The following SP3 variants were observed in gnomAD, a reference collection of about 807,000 sequenced individuals.
SP3 encodes the protein Sp3 transcription factor.
Under a neutral mutation model 70.3 loss-of-function variants are expected in SP3, and 10 were observed. The ratio of observed to expected loss-of-function variants is 0.14; its 90% CI spans 0.09 to 0.24. The LOEUF (loss-of-function observed/expected upper bound fraction) is 0.24. Among genes scored for constraint, SP3 ranks in the 10% least tolerant of loss-of-function variants. The pLI, the probability that SP3 is intolerant of heterozygous loss-of-function variation, is 1.00. For synonymous variants in SP3, 402 were observed against 333.5 expected, an observed-to-expected ratio of 1.21 and a Z score of -2.24; for missense variants, 825 against 914.6, an observed-to-expected ratio of 0.90 and a Z score of 1.26.
Position 173,904,793 on chromosome 2 carries a change from G to GC in SP3, c.*5147dup, listed in dbSNP as rs1331013025. On this transcript the variant is annotated 3_prime_UTR_variant, in exon 7 of 7. Transcript: ENST00000310015. ...GACAGATATCCTAAAAGGTCACTAAGCCAATACTTCCTGTATTTCGTTGTT... is the reference window on the plus strand; with the variant it reads ...GACAGATATCCTAAAAGGTCACTAAGCCCAATACTTCCTGTATTTCGTTGTT... 6.6e-6 allele frequency among the ~76,000 whole-genome samples: 1 copy of GC among 152,200 alleles called. No individual in the cohort carries two copies. Among genetic ancestry groups the GC allele is most frequent in the African/African-American group, 2.4e-5 (1 of 41,450 alleles).
chr2:173,922,028 C>T (rs772911273), intron 4 of SP3, among the ~76,000 whole-genome samples: 2 of 152,060 alleles, frequency 1.3e-5, no homozygotes, highest in Non-Finnish European at 1.5e-5. Flanking sequence ...ACTATGCTTC[C>T]GGTACAGCCT....
chr2:173,964,653 C>G, intron 1 of SP3, 100 bp from the exon 2 acceptor site: 1 of 530,352 alleles, frequency 1.9e-6, no homozygotes, highest in Non-Finnish European at 3.3e-6. Context: ...AAAGCCCGGA[C>G]CCAGGCCCCT....
At chr2:173,920,415 T>G (rs562237059) in intron 4 of SP3, among the ~76,000 whole-genome samples, 1 of 152,126 alleles carries the variant, frequency 6.6e-6, no homozygotes, top group Non-Finnish European at 1.5e-5. Flanking sequence ...GGAACCCTAA[T>G]GTAGAGTATG....
At position 173,903,054 on chromosome 2, in the gene SP3, T is replaced by C. The variant is rs1689218235; in HGVS notation, c.*6887A>G. On this transcript the variant is annotated 3_prime_UTR_variant, in exon 7 of 7. Coordinates refer to ENST00000310015, the MANE Select transcript of SP3 (RefSeq NM_003111.5). ...AATAAAAAAGGCACAATACGAATAC[T>C]AGCAGTTTCGTTAATAAATGTTGGC... is the stretch of plus-strand genomic sequence containing the variant. Among the ~76,000 whole-genome samples the C allele has an allele frequency of 6.6e-6, 1 of 152,250 alleles. No homozygotes were observed. The highest frequency in any genetic ancestry group is 2.4e-5 in the African/African-American group (1 of 41,472).
intron 4 of SP3, among the ~76,000 whole-genome samples, chr2:173,949,692 C>T (rs939524913): frequency 2.0e-5 from 3 of 151,502 alleles, no homozygotes; most frequent in Non-Finnish European, 2.9e-5. Flanking sequence ...TTTTATAAGG[C>T]TTCTATTTTC....
rs1228443479 is a variant in SP3 at position 173,904,392 on chromosome 2, G to GT, written c.*5548dup. On this transcript the variant is annotated 3_prime_UTR_variant, in exon 7 of 7. Coordinates refer to ENST00000310015, the MANE Select transcript of SP3 (RefSeq NM_003111.5). ...CTTAGTTGGCATTATTTGGTAGCAA[G>GT]TAACAGCCTTCTGACTTAAGAAAAA... 3.9e-5 allele frequency among the ~76,000 whole-genome samples: 6 copies of GT among 152,178 alleles called. No individual in the cohort carries two copies. Among genetic ancestry groups the GT allele is most frequent in the African/African-American group, 1.4e-4 (6 of 41,442 alleles).
At position 173,900,787 on chromosome 2, in the gene SP3, CAAT is replaced by C. The variant is rs1178056105; in HGVS notation, c.*9151_*9153del. ...GGATGTGTAAGGATTTTCAAAGAGA[CAAT>C]AATTTATTTTTAAAAACCATTAAAG... On this transcript the variant is annotated 3_prime_UTR_variant, in exon 7 of 7. Coordinates refer to ENST00000310015, the MANE Select transcript of SP3 (RefSeq NM_003111.5). 5.3e-4 allele frequency among the ~76,000 whole-genome samples: 81 copies of C among 152,186 alleles called. No homozygotes were observed. Among genetic ancestry groups the C allele is most frequent in the African/African-American group, 1.9e-3 (80 of 41,526 alleles).
chr2:173,940,552 T>G (rs943929393), intron 4 of SP3, among the ~76,000 whole-genome samples: 1 of 152,018 alleles, frequency 6.6e-6, no homozygotes, highest in East Asian at 1.9e-4. Flanking sequence ...ATGGAGAGGA[T>G]GAACAGATAA....
At chr2:173,915,678 AT>A (rs1162122952) in intron 5 of SP3, 1 of 152,088 alleles carries the variant, frequency 6.6e-6, no homozygotes, top group Non-Finnish European at 1.5e-5. Flanking sequence ...ATTGTGCACA[AT>A]TTTAAAAATA....
chr2:173,939,784 T>TAAAAAAAAAAAAAAAAAAAAA (rs1690311410), intron 4 of SP3, among the ~76,000 whole-genome samples: 1 of 78,800 alleles, frequency 1.3e-5, no homozygotes, highest in African/African-American at 5.3e-5. Context: ...AAAAAAAAAG[T>TAAAAAAAAAAAAAAAAAAAAA]TACACTGATT....
intron 4 of SP3, among the ~76,000 whole-genome samples, chr2:173,949,615 AAGAGAT>A (rs1481338937): frequency 1.3e-5 from 2 of 152,172 alleles, no homozygotes; most frequent in African/African-American, 4.8e-5. Flanking sequence ...AGGAGCCCAT[AAGAGAT>A]CCATCCCTCT....
rs1183383757 is a variant in SP3 at position 173,905,765 on chromosome 2, G to T, written c.*4176C>A. Reference sequence around the variant, plus strand: ...TATAATCCCAACACTTTGGGAGGCAGAGGTGGAAGGATCACTTGAGCCCAG... The same window carrying T: ...TATAATCCCAACACTTTGGGAGGCATAGGTGGAAGGATCACTTGAGCCCAG... On this transcript the variant is annotated 3_prime_UTR_variant, in exon 7 of 7. Coordinates refer to ENST00000310015, the MANE Select transcript of SP3 (RefSeq NM_003111.5). Among the ~76,000 whole-genome samples, 1 of 152,170 alleles carries T rather than the reference G, an allele frequency of 6.6e-6. No individual in the cohort carries two copies. The highest frequency in any genetic ancestry group is 2.4e-5 in the African/African-American group (1 of 41,442).
At chr2:173,954,837 G>T (rs1348154960) in intron 4 of SP3, 36 bp downstream of exon 4, 2 of 1,589,916 alleles carry the variant, frequency 1.3e-6, no homozygotes, top group Non-Finnish European at 1.7e-6. Flanking sequence ...TATTATCACT[G>T]AACTTATTTA....
chr2:173,941,046 G>C (rs1574414565), intron 4 of SP3, among the ~76,000 whole-genome samples: 1 of 150,112 alleles, frequency 6.7e-6, no homozygotes, highest in Non-Finnish European at 1.5e-5. Flanking sequence ...ATTAATTTGT[G>C]GCGAGATTCT....
At position 173,902,270 on chromosome 2, in the gene SP3, T is replaced by C. The variant is rs990947084; in HGVS notation, c.*7671A>G. On this transcript the variant is annotated 3_prime_UTR_variant, in exon 7 of 7. Transcript: ENST00000310015. ...TCCAGATGAATCTAGAATCATTTTG[T>C]CAAATCCCAAAACAAAATTTCATTG... Among the ~76,000 whole-genome samples the C allele has an allele frequency of 6.6e-6, 1 of 152,192 alleles. No homozygotes were observed. The highest frequency in any genetic ancestry group is 1.5e-5 in the Non-Finnish European group (1 of 68,022).
At chr2:173,933,641 T>TAG (rs1363141717) in intron 4 of SP3, among the ~76,000 whole-genome samples, 7 of 110,902 alleles carry the variant, frequency 6.3e-5, no homozygotes, top group Admixed American at 8.4e-5. Context: ...TAAAACTTTA[T>TAG]ATATATATAT....
chr2:173,964,095 G>A (rs1457399502), intron 2 of SP3: 2 of 343,920 alleles, frequency 5.8e-6, no homozygotes, highest in Non-Finnish European at 1.0e-5. Flanking sequence ...CCGGCTCCCC[G>A]GTCCGCGGGC....
intron 4 of SP3, among the ~76,000 whole-genome samples, chr2:173,941,909 C>A (rs551772197): frequency 1.3e-5 from 2 of 152,282 alleles, no homozygotes; most frequent in South Asian, 4.1e-4. Context: ...TTCCCTAGAC[C>A]ACAGTAAGTA....
chr2:173,960,718 C>A (rs1691042381), intron 3 of SP3, among the ~76,000 whole-genome samples: 1 of 152,132 alleles, frequency 6.6e-6, no homozygotes. Flanking sequence ...CGCCTGTAAT[C>A]CCAGCACTTT....
Sources: gnomAD v4.1 joint callset for allele counts (sites outside exome capture counted in the v4.1 genomes callset) on GRCh38, gnomAD v4.1.1 for gene constraint, MANE v1.5 for transcripts, NCBI Gene and HGNC (gene_info 2026-07-23, HGNC 2026-07-21) for gene names.